Variants in ADARB2 observed in about 807,000 individuals in gnomAD.
The protein encoded by ADARB2 is inactive double-stranded RNA-specific editase B2.
ADARB2 carries 25 observed loss-of-function variants against 62.2 expected under a neutral mutation model. The observed-to-expected ratio is 0.40, with a 90% CI of 0.29 to 0.56. The LOEUF is 0.56. ADARB2 is among the 20% of genes least tolerant of loss of function. ADARB2 has a pLI of 0.43. For missense variants in ADARB2, 1,071 were observed against 1,077.4 expected (o/e 0.99, Z 0.08); for synonymous variants, 572 against 500.8 (o/e 1.14, Z -1.90).
At chr10:1,432,937 C>T (rs762923813) in intron 1 of ADARB2, among the ~76,000 whole-genome samples, 64 of 152,096 alleles carry the variant, frequency 4.2e-4, no homozygotes, top group Non-Finnish European at 9.0e-4. Flanking sequence ...ACAATGAATA[C>T]GTGGTTCAAT....
chr10:1,544,646 G>A (rs1274992279), intron 1 of ADARB2, among the ~76,000 whole-genome samples: 3 of 152,096 alleles, frequency 2.0e-5, no homozygotes, highest in African/African-American at 7.2e-5. Context: ...TACAGACCCT[G>A]CTCTTACGTC....
At chr10:1,226,797 G>A (rs1830751077) in intron 6 of ADARB2, among the ~76,000 whole-genome samples, 1 of 152,194 alleles carries the variant, frequency 6.6e-6, no homozygotes, top group Non-Finnish European at 1.5e-5. Flanking sequence ...GTACCCGGCT[G>A]TGTGAGGTGT....
chr10:1,622,584 G>A (rs753122477), intron 1 of ADARB2, among the ~76,000 whole-genome samples: 17 of 152,166 alleles, frequency 1.1e-4, no homozygotes, highest in African/African-American at 3.4e-4. Flanking sequence ...GATGTATACC[G>A]TCATTAGTAA....
intron 1 of ADARB2, among the ~76,000 whole-genome samples, chr10:1,440,355 C>T (rs76389357): frequency 0.09 from 13,654 of 151,860 alleles, 695 homozygotes; most frequent in South Asian, 0.21. Flanking sequence ...TGGTGTGGAC[C>T]GTGTCTAATA....
chr10:1,698,168 G>A (rs558939539), intron 1 of ADARB2, among the ~76,000 whole-genome samples: 1 of 152,196 alleles, frequency 6.6e-6, no homozygotes, highest in South Asian at 2.1e-4. Context: ...TTAATCAGAT[G>A]GTAAAGACTT....
At chr10:1,371,017 G>T (rs975760243) in intron 2 of ADARB2, among the ~76,000 whole-genome samples, 21 of 152,194 alleles carry the variant, frequency 1.4e-4, no homozygotes, top group African/African-American at 5.1e-4. Flanking sequence ...AAAAAGAACA[G>T]ATCCAGATGT....
chr10:1,375,817 GCA>G (rs66504340), intron 2 of ADARB2, among the ~76,000 whole-genome samples: 126,271 of 149,506 alleles, frequency 0.84, 57,126 homozygotes, highest in Non-Finnish European at 0.99. Context: ...CCACACACAT[GCA>G]CACACACACG....
chr10:1,653,923 G>C, intron 1 of ADARB2, among the ~76,000 whole-genome samples: 1 of 152,192 alleles, frequency 6.6e-6, no homozygotes, highest in Non-Finnish European at 1.5e-5. Flanking sequence ...AGGACCCCCA[G>C]GAGGGAGGCT....
At chr10:1,532,695 G>C (rs567864965) in intron 1 of ADARB2, among the ~76,000 whole-genome samples, 1 of 152,300 alleles carries the variant, frequency 6.6e-6, no homozygotes, top group Non-Finnish European at 1.5e-5. Flanking sequence ...CAGCCGTGAT[G>C]ATCAGAAACA....
Position 1,253,876 on chromosome 10 carries a change from ATCTGTGGTTAGGATGCGGTGGGC to A in ADARB2, c.1193-11600_1193-11578del. On this transcript the variant is annotated intron_variant, in intron 4 of 9. Coordinates refer to ENST00000381312, the MANE Select transcript of ADARB2 (RefSeq NM_018702.4). ...AGCTCTGTGGTGAGGATGTGGTGGC[ATCTGTGGTTAGGATGCGGTGGGC>A]TCTGTGGGTAAAATGTGGGATCTGG... 1.3e-5 allele frequency among the ~76,000 whole-genome samples: 2 copies of A among 152,056 alleles called. 1 individual carries two copies. Among genetic ancestry groups the A allele is most frequent in the South Asian group, 4.2e-4 (2 of 4,818 alleles).
intron 4 of ADARB2, among the ~76,000 whole-genome samples, chr10:1,260,740 C>T (rs1379271240): frequency 3.0e-4 from 39 of 131,398 alleles, no homozygotes; most frequent in African/African-American, 5.8e-4. Context: ...AGGTAATTTA[C>T]AGATTCAATG....
At chr10:1,430,413 T>C (rs539470402) in intron 1 of ADARB2, among the ~76,000 whole-genome samples, 3 of 152,300 alleles carry the variant, frequency 2.0e-5, no homozygotes, top group East Asian at 3.9e-4. Context: ...TAATTGTAAA[T>C]GGCTTATAAC....
intron 6 of ADARB2, among the ~76,000 whole-genome samples, chr10:1,219,230 T>A (rs558642406): frequency 5.9e-5 from 9 of 152,186 alleles, no homozygotes; most frequent in Non-Finnish European, 1.2e-4. Context: ...CCTCTTTTCT[T>A]TATAAATTAC....
chr10:1,273,599 G>T (rs931845489), intron 3 of ADARB2, among the ~76,000 whole-genome samples: 1 of 152,246 alleles, frequency 6.6e-6, no homozygotes, highest in Admixed American at 6.5e-5. Flanking sequence ...GGCCCCGCCT[G>T]TGCCCCCCAC....
chr10:1,328,237 A>T (rs1218906103), intron 3 of ADARB2, among the ~76,000 whole-genome samples: 4 of 152,214 alleles, frequency 2.6e-5, no homozygotes, highest in Non-Finnish European at 4.4e-5. Flanking sequence ...GGACCCCTCT[A>T]TGGGAGGCAA....
intron 6 of ADARB2, among the ~76,000 whole-genome samples, chr10:1,218,032 T>C (rs549061222): frequency 5.9e-5 from 9 of 152,212 alleles, no homozygotes; most frequent in African/African-American, 2.2e-4. Flanking sequence ...TTCTCTTTCT[T>C]TGAAAAAATT....
intron 3 of ADARB2, among the ~76,000 whole-genome samples, chr10:1,299,219 A>C (rs1589183990): frequency 6.6e-6 from 1 of 152,144 alleles, no homozygotes; most frequent in East Asian, 2.0e-4. Context: ...GGGGCCCCAG[A>C]TGGGGAAACC....
At chr10:1,402,278 A>G (rs1226372692) in intron 1 of ADARB2, among the ~76,000 whole-genome samples, 1 of 152,182 alleles carries the variant, frequency 6.6e-6, no homozygotes, top group Non-Finnish European at 1.5e-5. Flanking sequence ...CGGTCTGGCC[A>G]GGGGTAGGGC....
At position 1,496,753 on chromosome 10, in the gene ADARB2, CATT is replaced by C. The variant is rs551647610; in HGVS notation, c.101-117596_101-117594del. Among the ~76,000 whole-genome samples, 28 of 152,260 alleles carry C rather than the reference CATT, an allele frequency of 1.8e-4. No homozygotes were observed. The South Asian group carries it at 2.1e-3, about 11-fold the overall frequency. ...GCATCAACATAATCACTGTTATCATCATTGTCATTATCACCAGCATCATCATCA... is the reference window on the plus strand; with the variant it reads ...GCATCAACATAATCACTGTTATCATCGTCATTATCACCAGCATCATCATCA... On this transcript the variant is annotated intron_variant, in intron 1 of 9. Transcript: ENST00000381312.
Sources: allele counts gnomAD v4.1 joint callset (sites outside exome capture counted in the v4.1 genomes callset), GRCh38; gene constraint gnomAD v4.1.1; transcripts MANE v1.5; gene names NCBI Gene and HGNC (gene_info 2026-07-23, HGNC 2026-07-21).